The following GALNT18 variants were observed in gnomAD, a reference collection of about 807,000 sequenced individuals.
GALNT18 encodes the protein GalNAc-transferase 18.
Under a neutral mutation model 69.5 loss-of-function variants are expected in GALNT18, and 44 were observed. The ratio of observed to expected loss-of-function variants is 0.63; its 90% CI spans 0.50 to 0.81. GALNT18 has a LOEUF of 0.81. Ranked by LOEUF, GALNT18 falls within the 40% of genes least tolerant of loss-of-function variation. The probability of loss-of-function intolerance (pLI) is 0.00; values close to 1 mark genes in which losing one functional copy is unlikely to be tolerated. For synonymous variants in GALNT18, 364 were observed against 318.2 expected (o/e 1.14, Z -1.53); for missense variants, 715 against 810.0 (o/e 0.88, Z 1.42).
At chr11:11,485,610 A>G (rs4910362) in intron 1 of GALNT18, among the ~76,000 whole-genome samples, 71,001 of 151,990 alleles carry the variant, frequency 0.47, 16,944 homozygotes, top group East Asian at 0.73. Flanking sequence ...GACCAATTTC[A>G]TGAGTGCTGG....
intron 2 of GALNT18, among the ~76,000 whole-genome samples, chr11:11,438,520 C>T (rs762230149): frequency 8.5e-5 from 13 of 152,154 alleles, no homozygotes; most frequent in Non-Finnish European, 1.3e-4. Context: ...CAATTCCGTA[C>T]GGTAAACAGC....
In GALNT18 at chr11:11,514,482, G is replaced by A. The variant is rs539653885; in HGVS notation, c.236-65546C>T. On this transcript the variant is annotated intron_variant, in intron 1 of 10. Transcript: ENST00000227756. ...GTCACCAATCCTGGCATCTCTGAGC[G>A]TGAATAAGAACAGCTGTTACACAGA... is the stretch of plus-strand genomic sequence containing the variant. 2.9e-4 allele frequency among the ~76,000 whole-genome samples: 44 copies of A among 152,300 alleles called. 1 individual carries two copies. Among genetic ancestry groups the A allele is most frequent in the South Asian group, 1.9e-3 (9 of 4,824 alleles).
chr11:11,348,840 A>G lies in GALNT18; in HGVS notation c.1093-7836T>C, dbSNP rs185850859. ...GCTCATGCCTTGGCTATGCATTCCT[A>G]TATCACCTGTAAGTCCTCTTGCACA... is the stretch of plus-strand genomic sequence containing the variant. On this transcript the variant is annotated intron_variant, in intron 6 of 10. Transcript: ENST00000227756. Among the ~76,000 whole-genome samples, 252 of 152,208 alleles carry G rather than the reference A, an allele frequency of 1.7e-3. 2 individuals are homozygous for G. Among genetic ancestry groups the G allele is most frequent in the South Asian group, 7.5e-3 (36 of 4,820 alleles).
intron 1 of GALNT18, among the ~76,000 whole-genome samples, chr11:11,561,917 AT>A (rs1174784487): frequency 7.2e-5 from 11 of 152,222 alleles, no homozygotes; most frequent in African/African-American, 2.7e-4. Flanking sequence ...AACAGGTATT[AT>A]TACCTCTGCA....
intron 1 of GALNT18, among the ~76,000 whole-genome samples, chr11:11,516,273 C>A (rs192767850): frequency 6.6e-6 from 1 of 152,210 alleles, no homozygotes; most frequent in African/African-American, 2.4e-5. Flanking sequence ...CCAAATAGCC[C>A]ATCCCTGGAA....
chr11:11,314,491 G>A lies in GALNT18; in HGVS notation c.1512+12595C>T, dbSNP rs965017318. On this transcript the variant is annotated intron_variant, in intron 9 of 10. Transcript: ENST00000227756. This position sits in a 1 kb window ranked among gnomAD's most constrained non-coding sequence, Gnocchi z 5.2. ...TAACATCTGTGTGCCTATAACATCCGTTGGCTCCCTCCCTGTCTGCCTGCT... is the reference window on the plus strand; with the variant it reads ...TAACATCTGTGTGCCTATAACATCCATTGGCTCCCTCCCTGTCTGCCTGCT... Among the ~76,000 whole-genome samples, 10 of 152,030 alleles carry A rather than the reference G, an allele frequency of 6.6e-5. No individual in the cohort carries two copies. The highest frequency in any genetic ancestry group is 8.8e-5 in the Non-Finnish European group (6 of 68,032).
chr11:11,330,144 T>C (rs1849993157), intron 8 of GALNT18, among the ~76,000 whole-genome samples: 1 of 152,154 alleles, frequency 6.6e-6, no homozygotes, highest in African/African-American at 2.4e-5. Context: ...TCCTTAGGCC[T>C]GCAGGAGTCA....
At chr11:11,490,223 T>A (rs1467108544) in intron 1 of GALNT18, among the ~76,000 whole-genome samples, 57 of 77,742 alleles carry the variant, frequency 7.3e-4, no homozygotes, top group African/African-American at 2.8e-3. Context: ...TCTCTCTCTC[T>A]CTCTCTCTCT....
intron 4 of GALNT18, 91 bp downstream of exon 4, chr11:11,378,990 C>T (rs1853841962): frequency 1.1e-5 from 13 of 1,230,892 alleles, no homozygotes; most frequent in Non-Finnish European, 1.3e-5. Flanking sequence ...TTCCCTTAGG[C>T]TATGACCAAG....
At chr11:11,330,141 G>A (rs962188787) in intron 8 of GALNT18, among the ~76,000 whole-genome samples, 1 of 152,140 alleles carries the variant, frequency 6.6e-6, no homozygotes, top group Non-Finnish European at 1.5e-5. Flanking sequence ...AGGTCCTTAG[G>A]CCTGCAGGAG....
intron 6 of GALNT18, among the ~76,000 whole-genome samples, chr11:11,349,877 A>C (rs778893426): frequency 1.3e-5 from 2 of 152,244 alleles, no homozygotes; most frequent in African/African-American, 4.8e-5. Flanking sequence ...ATGGTTTCCC[A>C]AGCCCTCTTC....
Position 11,321,844 on chromosome 11 carries a change from A to G in GALNT18, c.1512+5242T>C, listed in dbSNP as rs180963985. 3.0e-3 allele frequency among the ~76,000 whole-genome samples: 452 copies of G among 152,314 alleles called. 3 individuals carry two copies. Among genetic ancestry groups the G allele is most frequent in the African/African-American group, 0.01 (429 of 41,564 alleles). On this transcript the variant is annotated intron_variant, in intron 9 of 10. Coordinates refer to ENST00000227756, the MANE Select transcript of GALNT18 (RefSeq NM_198516.3). ...GGTCTCGAACTCCTGACCTCAGGTG[A>G]ACTGCCTGCCTCGGCCTCCCAAAGT...
intron 10 of GALNT18, among the ~76,000 whole-genome samples, chr11:11,275,072 G>T (rs1015516961): frequency 6.6e-6 from 1 of 152,192 alleles, no homozygotes; most frequent in African/African-American, 2.4e-5. Context: ...TGATGGGACC[G>T]CTAGGTCAAA....
At chr11:11,405,506 G>A (rs1203156652) in intron 3 of GALNT18, among the ~76,000 whole-genome samples, 2 of 152,126 alleles carry the variant, frequency 1.3e-5, no homozygotes, top group Non-Finnish European at 2.9e-5. Context: ...ACATGAGTCT[G>A]GGGTTCAAGG....
rs962502695 is a variant in GALNT18, at chr11:11,590,702, A to G, written c.235+30657T>C. On this transcript the variant is annotated intron_variant, in intron 1 of 10. Transcript: ENST00000227756. This position sits in a 1 kb window ranked among gnomAD's most constrained non-coding sequence, Gnocchi z 4.4. ...ACGTTCGCTCAATGACAGAACACAT[A>G]TACAATGGTGGTCCCGTAAGATTAC... Among the ~76,000 whole-genome samples the G allele has an allele frequency of 1.3e-5, 2 of 152,336 alleles. No individual in the cohort carries two copies. Among genetic ancestry groups the G allele is most frequent in the Middle Eastern group, 3.4e-3 (1 of 294 alleles).
chr11:11,273,329 TAAG>T (rs1486848084), intron 10 of GALNT18, among the ~76,000 whole-genome samples: 43 of 151,860 alleles, frequency 2.8e-4, no homozygotes, highest in Admixed American at 7.2e-4. Context: ...CCAAGATACA[TAAG>T]AAGTTCAAAT....
Position 11,505,790 on chromosome 11 carries a change from T to C in GALNT18, c.236-56854A>G, listed in dbSNP as rs999735775. 1.3e-5 allele frequency among the ~76,000 whole-genome samples: 2 copies of C among 152,176 alleles called. No homozygotes were observed. Among genetic ancestry groups the C allele is most frequent in the Non-Finnish European group, 2.9e-5 (2 of 68,030 alleles). ...TTCATTTGCATGCCTTCAAGTTCTG[T>C]CTATGCTTTCTTCCCACTGTTTCAC... On this transcript the variant is annotated intron_variant, in intron 1 of 10. Coordinates refer to ENST00000227756, the MANE Select transcript of GALNT18 (RefSeq NM_198516.3). This position sits in a 1 kb window ranked among gnomAD's most constrained non-coding sequence, Gnocchi z 4.6.
chr11:11,308,026 A>G (rs762824314), intron 9 of GALNT18, among the ~76,000 whole-genome samples: 3 of 152,176 alleles, frequency 2.0e-5, no homozygotes, highest in Non-Finnish European at 2.9e-5. Flanking sequence ...TCTGATTCTG[A>G]TACCCACTTC....
chr11:11,474,418 C>A lies in GALNT18; in HGVS notation c.236-25482G>T, dbSNP rs573397778. 3.3e-5 allele frequency among the ~76,000 whole-genome samples: 5 copies of A among 152,150 alleles called. No homozygotes were observed. In the East Asian group the frequency reaches 7.7e-4, roughly 24 times the overall value. The stretch of plus-strand genomic sequence containing the variant: ...GGAAAGATCGTACAGGACCTGTGAG[C>A]CTTTGTGAGGAGTGTGGCTCTTGTT... On this transcript the variant is annotated intron_variant, in intron 1 of 10. Transcript: ENST00000227756.
Sources: allele counts gnomAD v4.1 joint callset (sites outside exome capture counted in the v4.1 genomes callset), GRCh38; gene constraint gnomAD v4.1.1; non-coding constraint Gnocchi (gnomAD v3.1); transcripts MANE v1.5; gene names NCBI Gene and HGNC (gene_info 2026-07-23, HGNC 2026-07-21).